The following C12orf56 variants were observed in gnomAD, a reference collection of about 807,000 sequenced individuals.
C12orf56 encodes the protein uncharacterized protein C12orf56.
A neutral mutation model predicts 69.9 loss-of-function variants in C12orf56; 71 were observed. The observed-to-expected ratio is 1.02, with a 90% CI of 0.84 to 1.24. The LOEUF is 1.24. C12orf56 is among the 50% of genes most tolerant of loss of function. C12orf56 has a pLI of 0.00. For synonymous variants in C12orf56, 276 were observed against 274.1 expected, an observed-to-expected ratio of 1.01 and a Z score of -0.07; for missense variants, 732 against 738.5, an observed-to-expected ratio of 0.99 and a Z score of 0.10.
chr12:64,270,032 C>T (rs1421967829), intron 12 of C12orf56, among the ~76,000 whole-genome samples: 2 of 152,130 alleles, frequency 1.3e-5, no homozygotes, highest in East Asian at 1.9e-4. Flanking sequence ...TGGGAATATA[C>T]TTCAAATGGC....
In C12orf56 at chr12:64,265,401, A is replaced by ATTACTTGAAG. The variant is rs2037911580; in HGVS notation, c.*1772_*1781dup. The ATTACTTGAAG allele has an allele frequency of 6.6e-6, 1 of 152,264 alleles. No individual in the cohort carries two copies. Among genetic ancestry groups the ATTACTTGAAG allele is most frequent in the Non-Finnish European group, 1.5e-5 (1 of 68,088 alleles). The allele number at this position is 152,264 out of a possible 1,614,324, so 9.4% of individuals were successfully genotyped here. On this transcript the variant is annotated 3_prime_UTR_variant, in exon 13 of 13. Transcript: ENST00000543942. Reference sequence around the variant, plus strand: ...AAACTTTGGGTAAAAAGAAAGGAGGATTACTTGAAGTTAGTGCAAAATCAT... The same window carrying ATTACTTGAAG: ...AAACTTTGGGTAAAAAGAAAGGAGGATTACTTGAAGTTACTTGAAGTTAGTGCAAAATCAT...
Position 64,353,081 on chromosome 12 carries a change from AT to A in C12orf56, c.253-26del, listed in dbSNP as rs1219478761. On this transcript the variant is annotated intron_variant, in intron 1 of 12. Transcript: ENST00000543942. Reference sequence around the variant, plus strand: ...TCTGGAAAAAAAATTAATTCACCTCATTGAAGACAAATACAACTGCTTACCT... The same window carrying A: ...TCTGGAAAAAAAATTAATTCACCTCATGAAGACAAATACAACTGCTTACCT... The A allele has an allele frequency of 3.7e-6, 6 of 1,606,060 alleles. No individual in the cohort carries two copies. In the African/African-American group the frequency reaches 8.0e-5, roughly 22 times the overall value.
chr12:64,390,290 C>T (rs772175223), intron 1 of C12orf56, 24 bp downstream of exon 1: 2 of 1,586,172 alleles, frequency 1.3e-6, no homozygotes, highest in African/African-American at 2.7e-5. Context: ...CTCCCGAGCC[C>T]GCCTGCCCAC....
chr12:64,265,025 C>T lies in C12orf56; in HGVS notation c.*2158G>A, dbSNP rs2037906353. 1 of 152,118 alleles carries T rather than the reference C, an allele frequency of 6.6e-6. No homozygotes were observed. Among genetic ancestry groups the T allele is most frequent in the South Asian group, 2.1e-4 (1 of 4,808 alleles). The allele number at this position is 152,118 out of a possible 1,614,324, so 9.4% of individuals were successfully genotyped here. On this transcript the variant is annotated 3_prime_UTR_variant, in exon 13 of 13. Coordinates refer to ENST00000543942, the MANE Select transcript of C12orf56 (RefSeq NM_001170633.2). ...GCAGAAATCATGTGGGAGAGAAACC[C>T]CAAGCCCTCACTAGAGCCTGCATGA...
At chr12:64,294,690 G>A (rs187930256) in intron 6 of C12orf56, among the ~76,000 whole-genome samples, 67 of 152,158 alleles carry the variant, frequency 4.4e-4, no homozygotes, top group Non-Finnish European at 9.0e-4. Flanking sequence ...GTGGGATGGG[G>A]GAAAGAAATG....
intron 5 of C12orf56, among the ~76,000 whole-genome samples, chr12:64,310,710 T>G (rs1314841563): frequency 7.3e-6 from 1 of 136,206 alleles, no homozygotes; most frequent in East Asian, 2.1e-4. Context: ...TATTTTTTTC[T>G]TCTTCTTTCT....
chr12:64,303,685 G>GT lies in C12orf56; in HGVS notation c.1062dup (p.Leu355ThrfsTer2). On this transcript the variant is annotated frameshift_variant, in exon 6 of 13. Coordinates refer to ENST00000543942, the MANE Select transcript of C12orf56 (RefSeq NM_001170633.2). LOFTEE classifies it high-confidence loss of function. The stretch of plus-strand genomic sequence containing the variant: ...AAGTTTTTCTGGGCTGCTACTTTAA[G>GT]TTCCATAAGTAAAGAAAGTATCCTC... 4.4e-6 allele frequency: 7 copies of GT among 1,575,274 alleles called. No homozygotes were observed. The highest frequency in any genetic ancestry group is 6.0e-6 in the Non-Finnish European group (7 of 1,160,722).
chr12:64,343,597 C>G (rs2039102667), intron 2 of C12orf56, among the ~76,000 whole-genome samples: 1 of 152,216 alleles, frequency 6.6e-6, no homozygotes, highest in African/African-American at 2.4e-5. Flanking sequence ...GAAACCACAT[C>G]TGGTACAGCA....
At chr12:64,338,842 G>T in intron 2 of C12orf56, 1 of 834,796 alleles carries the variant, frequency 1.2e-6, no homozygotes, top group Non-Finnish European at 2.0e-6. Flanking sequence ...GTTTAGGTTT[G>T]AAGGGTGAGG....
chr12:64,304,221 C>T (rs1255939258), intron 5 of C12orf56, among the ~76,000 whole-genome samples: 1 of 151,902 alleles, frequency 6.6e-6, no homozygotes, highest in Non-Finnish European at 1.5e-5. Context: ...TAAGTAAATG[C>T]TGCATTTTCT....
intron 2 of C12orf56, among the ~76,000 whole-genome samples, chr12:64,332,102 C>G (rs774979972): frequency 5.9e-5 from 9 of 151,856 alleles, no homozygotes; most frequent in Admixed American, 3.3e-4. Context: ...GCCAGGAGTT[C>G]GAGACCAGCC....
intron 2 of C12orf56, chr12:64,338,744 G>A: frequency 6.8e-7 from 1 of 1,467,922 alleles, no homozygotes; most frequent in Admixed American, 1.7e-5. Context: ...TTCAATGAAA[G>A]CCATCATATG....
At chr12:64,324,659 T>C (rs2038816059) in intron 3 of C12orf56, among the ~76,000 whole-genome samples, 1 of 152,222 alleles carries the variant, frequency 6.6e-6, no homozygotes, top group South Asian at 2.1e-4. Context: ...AAAAGGTTTA[T>C]CTGCTGTGCA....
chr12:64,361,752 G>T (rs2039402565), intron 1 of C12orf56, among the ~76,000 whole-genome samples: 1 of 150,536 alleles, frequency 6.6e-6, no homozygotes, highest in Non-Finnish European at 1.5e-5. Flanking sequence ...TTTTTTTTGA[G>T]ATGGAGTTTT....
chr12:64,281,251 C>A (rs763678531), intron 8 of C12orf56, among the ~76,000 whole-genome samples: 17 of 149,118 alleles, frequency 1.1e-4, no homozygotes, highest in Admixed American at 2.7e-4. Flanking sequence ...CCAGCCCTGG[C>A]GACAGAGCAA....
intron 8 of C12orf56, among the ~76,000 whole-genome samples, chr12:64,279,135 G>C (rs1279867068): frequency 6.6e-6 from 1 of 152,012 alleles, no homozygotes; most frequent in Non-Finnish European, 1.5e-5. Context: ...GCCCAGGCTG[G>C]ACTTGAACCC....
chr12:64,301,833 A>G (rs915776224), intron 6 of C12orf56, among the ~76,000 whole-genome samples: 2 of 152,258 alleles, frequency 1.3e-5, no homozygotes, highest in South Asian at 4.1e-4. Flanking sequence ...CTCAGGTAGC[A>G]TTTTTACAGC....
At chr12:64,375,420 T>C (rs1244785407) in intron 1 of C12orf56, among the ~76,000 whole-genome samples, 1 of 152,226 alleles carries the variant, frequency 6.6e-6, no homozygotes, top group Non-Finnish European at 1.5e-5. Context: ...TTTTTGTCTT[T>C]TTGAGCAATT....
intron 1 of C12orf56, among the ~76,000 whole-genome samples, chr12:64,390,107 C>T (rs898258010): frequency 6.6e-6 from 1 of 152,150 alleles, no homozygotes; most frequent in Non-Finnish European, 1.5e-5. Flanking sequence ...GGTGAACAGG[C>T]AGACACGAGG....
Sources: allele counts gnomAD v4.1 joint callset (sites outside exome capture counted in the v4.1 genomes callset), GRCh38; gene constraint gnomAD v4.1.1; transcripts MANE v1.5; gene names NCBI Gene and HGNC (gene_info 2026-07-23, HGNC 2026-07-21).